Variants in ISM1 observed in about 807,000 individuals in gnomAD.
ISM1 encodes isthmin 1, also known as isthmin-1.
ISM1 carries 25 observed loss-of-function variants against 46.3 expected under a neutral mutation model. The ratio of observed to expected loss-of-function variants is 0.54; its 90% CI spans 0.39 to 0.75. The LOEUF is 0.75. Ranked by LOEUF, ISM1 falls within the 30% of genes least tolerant of loss-of-function variation. ISM1 has a pLI of 0.00. For synonymous variants in ISM1, 255 were observed against 256.7 expected, an observed-to-expected ratio of 0.99 and a Z score of 0.06; for missense variants, 536 against 625.4, an observed-to-expected ratio of 0.86 and a Z score of 1.52.
At chr20:13,250,217 A>G (rs1398725361) in intron 1 of ISM1, among the ~76,000 whole-genome samples, 2 of 152,154 alleles carry the variant, frequency 1.3e-5, no homozygotes, top group Middle Eastern at 3.2e-3. Flanking sequence ...TAGGTTTCAA[A>G]TATTTTATAC....
At chr20:13,282,401 G>C (rs1445349106) in intron 3 of ISM1, among the ~76,000 whole-genome samples, 1 of 152,168 alleles carries the variant, frequency 6.6e-6, no homozygotes, top group Non-Finnish European at 1.5e-5. Context: ...ACTGAAGTTT[G>C]AAGACCACCA....
At chr20:13,279,988 A>G (rs188437978) in intron 3 of ISM1, 90 bp downstream of exon 3, 246 of 1,289,426 alleles carry the variant, frequency 1.9e-4, no homozygotes, top group Middle Eastern at 1.9e-3. Context: ...CCCTGCTTAG[A>G]GCATGTGGCT....
chr20:13,302,699 A>G (rs2040469386), downstream of ISM1, among the ~76,000 whole-genome samples: 1 of 152,046 alleles, frequency 6.6e-6, no homozygotes, highest in Non-Finnish European at 1.5e-5. Flanking sequence ...AGCTGCTCAA[A>G]TTTTTCTCTT....
chr20:13,279,824 T>C lies in ISM1; in HGVS notation c.569T>C (p.Leu190Pro), dbSNP rs771949500. ...AGTACCTCAGACGACAGCAACTTCC[T>C]CAACCCCCCCAGGGGGTGGGACCAT... ...YDSTSDDSNF[L>P]NPPRGWDHTA... is the part of the protein sequence containing the mutation. The change falls in exon 3 of 6, where the codon CTC becomes CCC. Residue 190 changes from leucine (L) to proline (P), a missense_variant. This residue lies in a region of ISM1 where 367 missense variants were observed against 376.1 expected (regional missense o/e 0.98). Transcript: ENST00000262487. 29 of 1,613,836 alleles carry C rather than the reference T, an allele frequency of 1.8e-5. No homozygotes were observed. The highest frequency in any genetic ancestry group is 2.4e-5 in the Non-Finnish European group (28 of 1,179,880).
intron 3 of ISM1, 101 bp from the exon 4 acceptor site, chr20:13,288,439 C>T (rs2040316250): frequency 3.9e-6 from 5 of 1,275,958 alleles, no homozygotes; most frequent in Non-Finnish European, 4.3e-6. Context: ...TCCCCTCCCA[C>T]AGCGAGAAGG....
the ISM1 span, among the ~76,000 whole-genome samples, chr20:13,319,351 T>C: frequency 6.6e-6 from 1 of 152,152 alleles, no homozygotes; most frequent in Non-Finnish European, 1.5e-5. Context: ...CGGGTATTTC[T>C]ACTGCTAATC....
In ISM1 at chr20:13,221,614, C is replaced by G. The variant is rs946579266; in HGVS notation, c.-163C>G. ...GCTCCCCCGGCCCCGCACACCCCGC[C>G]GCGCCCAGCGCCAGCCCCGCGGGCC... On this transcript the variant is annotated 5_prime_UTR_variant, in exon 1 of 6. Transcript: ENST00000262487. 6.8e-6 allele frequency among the ~76,000 whole-genome samples: 1 copy of G among 147,254 alleles called. No individual in the cohort carries two copies. The highest frequency in any genetic ancestry group is 1.5e-5 in the Non-Finnish European group (1 of 66,226).
downstream of ISM1, among the ~76,000 whole-genome samples, chr20:13,304,737 C>G (rs2040486747): frequency 6.6e-6 from 1 of 152,208 alleles, no homozygotes; most frequent in South Asian, 2.1e-4. Flanking sequence ...CCAACTCCCT[C>G]ACCCCTCGAG....
At chr20:13,289,067 T>C (rs1042669204) in intron 4 of ISM1, among the ~76,000 whole-genome samples, 3 of 152,242 alleles carry the variant, frequency 2.0e-5, no homozygotes, top group African/African-American at 7.2e-5. Flanking sequence ...ATTACAGGCA[T>C]GAGGCAAGAT....
chr20:13,309,661 C>T, the ISM1 span, among the ~76,000 whole-genome samples: 206 of 152,244 alleles, frequency 1.4e-3, no homozygotes, highest in Non-Finnish European at 2.3e-3. Context: ...GAATTTATCT[C>T]TGTTTGCAGA....
At chr20:13,234,161 G>C (rs998147394) in intron 1 of ISM1, among the ~76,000 whole-genome samples, 1 of 152,094 alleles carries the variant, frequency 6.6e-6, no homozygotes, top group Admixed American at 6.5e-5. Flanking sequence ...ATTACTCTTT[G>C]TATGTCCGTG....
intron 5 of ISM1, among the ~76,000 whole-genome samples, chr20:13,294,938 G>C (rs1368736732): frequency 6.6e-6 from 1 of 152,178 alleles, no homozygotes; most frequent in African/African-American, 2.4e-5. Context: ...ATCCCAGGCT[G>C]TTTAGCATGC....
At chr20:13,260,895 C>T (rs2039981995) in intron 1 of ISM1, among the ~76,000 whole-genome samples, 1 of 152,170 alleles carries the variant, frequency 6.6e-6, no homozygotes, top group Admixed American at 6.5e-5. Flanking sequence ...TCAGCCAGGG[C>T]TGGATGGTCT....
intron 1 of ISM1, among the ~76,000 whole-genome samples, chr20:13,260,649 G>C (rs944841072): frequency 6.6e-6 from 1 of 150,760 alleles, no homozygotes; most frequent in East Asian, 2.0e-4. Context: ...TCCAGAACAA[G>C]TGTCTCTTTA....
chr20:13,225,150 G>A (rs2039507637), intron 1 of ISM1, among the ~76,000 whole-genome samples: 1 of 152,156 alleles, frequency 6.6e-6, no homozygotes, highest in Non-Finnish European at 1.5e-5. Context: ...ACCGCGCCCG[G>A]CCCATACTAG....
At chr20:13,225,058 T>C (rs1019927575) in intron 1 of ISM1, among the ~76,000 whole-genome samples, 2 of 151,146 alleles carry the variant, frequency 1.3e-5, no homozygotes, top group Non-Finnish European at 3.0e-5. Context: ...TTTCACCGTG[T>C]TAGCCAGGAT....
At position 13,221,285 on chromosome 20, in the gene ISM1, C is replaced by A. The variant is rs1473102890; in HGVS notation, c.-492C>A. Among the ~76,000 whole-genome samples, 593 of 147,716 alleles carry A rather than the reference C, an allele frequency of 4.0e-3. 8 individuals are homozygous for A. Among genetic ancestry groups the A allele is most frequent in the African/African-American group, 0.014 (562 of 40,464 alleles). On this transcript the variant is annotated 5_prime_UTR_variant, in exon 1 of 6. Transcript: ENST00000262487. Reference sequence around the variant, plus strand: ...TCCTTCTCCTTCTCCTCCTCCTCCTCCCCGCGCTTCTCTGGCGGCCGCTCC... The same window carrying A: ...TCCTTCTCCTTCTCCTCCTCCTCCTACCCGCGCTTCTCTGGCGGCCGCTCC...
In ISM1 at chr20:13,279,785, A is replaced by G; in HGVS notation, c.530A>G (p.Asp177Gly). The change falls in exon 3 of 6, where the codon GAC (aspartate) becomes GGC (glycine). Residue 177 changes from aspartate to glycine, a missense_variant. Physicochemically the swap from Asp to Gly is moderately conservative, Grantham distance 94 (BLOSUM62 -1). Coordinates refer to ENST00000262487, the MANE Select transcript of ISM1 (RefSeq NM_080826.2). The stretch of plus-strand genomic sequence containing the variant: ...GCCAGGGCAAACAGCGGGGACCAGG[A>G]CTACAAGTACGACAGTACCTCAGAC... Reference protein sequence around the residue: ...SLARANSGDQDYKYDSTSDDS... With the variant: ...SLARANSGDQGYKYDSTSDDS... 1 of 1,614,018 alleles carries G rather than the reference A, an allele frequency of 6.2e-7. No individual in the cohort carries two copies. The highest frequency in any genetic ancestry group is 8.5e-7 in the Non-Finnish European group (1 of 1,179,898).
intron 4 of ISM1, among the ~76,000 whole-genome samples, chr20:13,291,753 G>A (rs1568689352): frequency 6.6e-6 from 1 of 152,160 alleles, no homozygotes; most frequent in Non-Finnish European, 1.5e-5. Context: ...AACTCTTCTT[G>A]GCTATGCATT....
Sources: gnomAD v4.1 joint callset for allele counts (sites outside exome capture counted in the v4.1 genomes callset) on GRCh38, gnomAD v4.1.1 for gene constraint, gnomAD v4.1.1 regional missense constraint, MANE v1.5 for transcripts, NCBI Gene and HGNC (gene_info 2026-07-23, HGNC 2026-07-21) for gene names.